The following EYA4 variants were observed in gnomAD, a reference collection of about 807,000 sequenced individuals.
EYA4 encodes the protein protein phosphatase EYA4.
In EYA4, 31 loss-of-function variants were observed where a neutral mutation model predicts 87.9. That is an observed-to-expected ratio of 0.35 (90% confidence interval 0.27 to 0.48). The LOEUF is 0.48. Among genes scored for constraint, EYA4 ranks in the 20% least tolerant of loss-of-function variants. EYA4 has a pLI of 0.99. For synonymous variants in EYA4, 263 were observed against 270.6 expected, an observed-to-expected ratio of 0.97 and a Z score of 0.28; for missense variants, 678 against 761.4, an observed-to-expected ratio of 0.89 and a Z score of 1.29.
At chr6:133,482,836 T>C (rs1011464221) in intron 12 of EYA4, among the ~76,000 whole-genome samples, 196 bp from the exon 13 acceptor site, 1 of 152,186 alleles carries the variant, frequency 6.6e-6, no homozygotes, top group Non-Finnish European at 1.5e-5. Flanking sequence ...CTTAAGCTTA[T>C]AATTTGTATA....
rs183880771 is a variant in EYA4 at position 133,379,950 on chromosome 6, C to T, written c.34-2442C>T. Among the ~76,000 whole-genome samples the T allele has an allele frequency of 1.2e-3, 178 of 152,144 alleles. 2 individuals carry two copies. In the South Asian group the frequency reaches 0.023, roughly 20 times the overall value. On this transcript the variant is annotated intron_variant, in intron 2 of 19. Coordinates refer to ENST00000355286, the MANE Select transcript of EYA4 (RefSeq NM_004100.5). Reference sequence around the variant, plus strand: ...AAAGGTTAAATTCCAAATTCTTTACCGTATATAAGGGCTTCATAATATGCT... The same window carrying T: ...AAAGGTTAAATTCCAAATTCTTTACTGTATATAAGGGCTTCATAATATGCT...
intron 3 of EYA4, among the ~76,000 whole-genome samples, chr6:133,421,873 A>G (rs1790250569): frequency 6.6e-6 from 1 of 152,188 alleles, no homozygotes; most frequent in South Asian, 2.1e-4. Flanking sequence ...GTCAGCCTAA[A>G]TTACTTGTGT....
chr6:133,381,107 A>G (rs1247695307), intron 2 of EYA4, among the ~76,000 whole-genome samples: 7 of 112,004 alleles, frequency 6.2e-5, no homozygotes, highest in Middle Eastern at 0.011. Flanking sequence ...CCTCCATCTC[A>G]TGGTACTGAT....
At chr6:133,485,233 C>T (rs1796587764) in intron 13 of EYA4, among the ~76,000 whole-genome samples, 2 of 152,106 alleles carry the variant, frequency 1.3e-5, no homozygotes, top group Admixed American at 6.6e-5. Flanking sequence ...AAAGTATTTC[C>T]CTAAAAGGTT....
chr6:133,306,272 G>A (rs1160585031), intron 2 of EYA4, among the ~76,000 whole-genome samples: 1 of 152,178 alleles, frequency 6.6e-6, no homozygotes, highest in Non-Finnish European at 1.5e-5. Context: ...TCCAGAGTCC[G>A]TGTTCTTGCT....
chr6:133,347,620 T>C (rs975468700), intron 2 of EYA4, among the ~76,000 whole-genome samples: 4 of 152,206 alleles, frequency 2.6e-5, no homozygotes, highest in Non-Finnish European at 5.9e-5. Context: ...TATGCATTAT[T>C]CTATGCCAAA....
chr6:133,361,901 G>C, intron 2 of EYA4, among the ~76,000 whole-genome samples: 1 of 152,204 alleles, frequency 6.6e-6, no homozygotes, highest in East Asian at 1.9e-4. Flanking sequence ...AGATGTTTTT[G>C]ACAATCTAAC....
At chr6:133,385,026 G>A (rs944445897) in intron 3 of EYA4, among the ~76,000 whole-genome samples, 2 of 151,922 alleles carry the variant, frequency 1.3e-5, no homozygotes, top group African/African-American at 2.4e-5. Context: ...AGGGGCTGAC[G>A]CAGTGGCTCA....
At chr6:133,327,544 G>A (rs1018456431) in intron 2 of EYA4, among the ~76,000 whole-genome samples, 2 of 152,162 alleles carry the variant, frequency 1.3e-5, no homozygotes, top group African/African-American at 2.4e-5. Flanking sequence ...AACATAGGGA[G>A]CAATTTGAAA....
intron 7 of EYA4, chr6:133,462,120 G>A: frequency 1.7e-6 from 1 of 602,342 alleles, no homozygotes; most frequent in Non-Finnish European, 3.0e-6. Flanking sequence ...TATAGACATA[G>A]GGAGTTTAAA....
intron 14 of EYA4, among the ~76,000 whole-genome samples, chr6:133,510,135 C>A (rs924757611): frequency 6.6e-6 from 1 of 152,008 alleles, no homozygotes; most frequent in Non-Finnish European, 1.5e-5. Flanking sequence ...TTTTGGGCAA[C>A]CTATGTACAA....
At chr6:133,366,244 G>A (rs1562335515) in intron 2 of EYA4, among the ~76,000 whole-genome samples, 1 of 152,174 alleles carries the variant, frequency 6.6e-6, no homozygotes, top group African/African-American at 2.4e-5. Flanking sequence ...TTACCTAAAT[G>A]AAACATTTTG....
chr6:133,276,765 C>T (rs1479231748), intron 2 of EYA4, among the ~76,000 whole-genome samples: 7 of 152,006 alleles, frequency 4.6e-5, no homozygotes, highest in African/African-American at 7.2e-5. Context: ...ATGACTTGCC[C>T]ATGTTGGCAT....
intron 10 of EYA4, among the ~76,000 whole-genome samples, 192 bp from the exon 11 acceptor site, chr6:133,468,374 T>G (rs988644299): frequency 6.6e-6 from 1 of 152,068 alleles, no homozygotes; most frequent in African/African-American, 2.4e-5. Context: ...CAATAGGGTA[T>G]TTCACTACTA....
At chr6:133,293,411 A>G (rs1025402824) in intron 2 of EYA4, among the ~76,000 whole-genome samples, 1 of 152,112 alleles carries the variant, frequency 6.6e-6, no homozygotes, top group African/African-American at 2.4e-5. Context: ...ATTTTCTGCT[A>G]TCAATAATCT....
intron 1 of EYA4, chr6:133,248,888 T>G (rs1269591427): frequency 6.6e-6 from 1 of 151,902 alleles, no homozygotes. Flanking sequence ...TTTTTGTTTG[T>G]TTGTTTTTGC....
At chr6:133,342,157 T>A (rs564646000) in intron 2 of EYA4, among the ~76,000 whole-genome samples, 2 of 152,014 alleles carry the variant, frequency 1.3e-5, no homozygotes, top group East Asian at 3.9e-4. Context: ...TGAGTTGAAA[T>A]TGAGACCAGT....
At chr6:133,456,423 CA>C in intron 5 of EYA4, 132 bp from the exon 6 acceptor site, 1 of 740,562 alleles carries the variant, frequency 1.4e-6, no homozygotes, top group Admixed American at 1.9e-5. Context: ...GCTAAATTAA[CA>C]AACTCTCTTC....
intron 2 of EYA4, among the ~76,000 whole-genome samples, chr6:133,368,632 C>T (rs1212391561): frequency 6.6e-6 from 1 of 152,112 alleles, no homozygotes; most frequent in African/African-American, 2.4e-5. Context: ...CAAAGAATTG[C>T]GTCTGTCAAA....
Sources: gnomAD v4.1 joint callset for allele counts (sites outside exome capture counted in the v4.1 genomes callset) on GRCh38, gnomAD v4.1.1 for gene constraint, MANE v1.5 for transcripts, NCBI Gene and HGNC (gene_info 2026-07-23, HGNC 2026-07-21) for gene names.